GRM7: variants seen among roughly 807,000 people sequenced by gnomAD.
GRM7 encodes the protein glutamate metabotropic receptor 7, also known as metabotropic glutamate receptor 7.
Under a neutral mutation model 84.5 loss-of-function variants are expected in GRM7, and 35 were observed. The ratio of observed to expected loss-of-function variants is 0.41; its 90% CI spans 0.32 to 0.55. The LOEUF (loss-of-function observed/expected upper bound fraction) is 0.55. Ranked by LOEUF, GRM7 falls within the 20% of genes least tolerant of loss-of-function variation. GRM7 has a pLI of 0.19. For missense variants in GRM7, 1,003 were observed against 1,194.6 expected, an observed-to-expected ratio of 0.84 and a Z score of 2.36; for synonymous variants, 487 against 455.1, an observed-to-expected ratio of 1.07 and a Z score of -0.89.
chr3:7,070,200 T>G (rs1352313023), intron 1 of GRM7, among the ~76,000 whole-genome samples: 3 of 152,074 alleles, frequency 2.0e-5, no homozygotes, highest in Non-Finnish European at 2.9e-5. Context: ...TAATGAAATG[T>G]ATAATTATCA....
intron 7 of GRM7, among the ~76,000 whole-genome samples, chr3:7,551,835 C>G (rs2125026546): frequency 6.6e-6 from 1 of 152,224 alleles, no homozygotes; most frequent in African/African-American, 2.4e-5. Context: ...AAAGAACTCC[C>G]TGAGACTGGG....
intron 1 of GRM7, among the ~76,000 whole-genome samples, chr3:6,970,730 A>G (rs1241046849): frequency 6.6e-6 from 1 of 152,222 alleles, no homozygotes; most frequent in African/African-American, 2.4e-5. Flanking sequence ...CTGTAATCCC[A>G]GCACTTTGGG....
chr3:7,453,706 C>T (rs181301150), intron 6 of GRM7, among the ~76,000 whole-genome samples: 104 of 152,060 alleles, frequency 6.8e-4, no homozygotes, highest in Non-Finnish European at 1.2e-3. Flanking sequence ...TGAACCTTGT[C>T]CTCTTGGGCC....
intron 6 of GRM7, among the ~76,000 whole-genome samples, chr3:7,456,850 C>T (rs1559336058): frequency 6.6e-6 from 1 of 151,998 alleles, no homozygotes; most frequent in African/African-American, 2.4e-5. Flanking sequence ...TTTTGTAAAG[C>T]AAAGAAGCTG....
intron 4 of GRM7, among the ~76,000 whole-genome samples, chr3:7,393,883 G>A (rs552980552): frequency 1.3e-5 from 2 of 152,276 alleles, no homozygotes; most frequent in South Asian, 2.1e-4. Flanking sequence ...CGTGGTCCAT[G>A]TAGAGACTTC....
chr3:7,219,467 G>A (rs1266931673), intron 2 of GRM7, among the ~76,000 whole-genome samples: 3 of 152,184 alleles, frequency 2.0e-5, no homozygotes, highest in Non-Finnish European at 4.4e-5. Flanking sequence ...TCTGTGAAGT[G>A]AAAATGTTGA....
chr3:7,329,727 G>T (rs1362966172), intron 4 of GRM7, among the ~76,000 whole-genome samples: 1 of 152,152 alleles, frequency 6.6e-6, no homozygotes, highest in Non-Finnish European at 1.5e-5. Flanking sequence ...AGCATTGTGT[G>T]TGTATACGTG....
In GRM7 at chr3:7,452,658, A is replaced by G. The variant is rs1306836280; in HGVS notation, c.1226A>G (p.Gln409Arg). The G allele has an allele frequency of 1.2e-6, 2 of 1,613,452 alleles. No individual in the cohort carries two copies. The highest frequency in any genetic ancestry group is 2.7e-5 in the African/African-American group (2 of 74,892). The change falls in exon 6 of 10, where the codon CAG (glutamine) becomes CGG (arginine). Residue 409 changes from glutamine to arginine, a missense_variant. Around this residue, in one of 2 missense-constraint regions of GRM7, gnomAD observed 910 missense variants for 1,126.0 expected, o/e 0.81. Transcript: ENST00000357716. ...AACTATGAGCAGGAGGGTAAAGTCC[A>G]GTTCGTGATTGACGCAGTCTATGCT... ...DSNYEQEGKV[Q>R]FVIDAVYAMA...
intron 9 of GRM7, among the ~76,000 whole-genome samples, chr3:7,713,114 A>ATTTTG: frequency 7.7e-6 from 1 of 129,854 alleles, no homozygotes; most frequent in South Asian, 2.4e-4. Context: ...GAGGATTCGA[A>ATTTTG]TTTTGTTTTG....
chr3:7,097,219 T>C (rs1222826281), intron 1 of GRM7, among the ~76,000 whole-genome samples: 1 of 152,088 alleles, frequency 6.6e-6, no homozygotes, highest in African/African-American at 2.4e-5. Context: ...CTGTCACTAC[T>C]TAAATTGATA....
At chr3:7,725,332 C>T (rs534033443) in intron 9 of GRM7, among the ~76,000 whole-genome samples, 2 of 152,256 alleles carry the variant, frequency 1.3e-5, no homozygotes, top group Admixed American at 1.3e-4. Flanking sequence ...GGTATCACTG[C>T]CTCCACAGCC....
At chr3:7,284,951 T>G (rs1326411703) in intron 2 of GRM7, among the ~76,000 whole-genome samples, 1 of 152,200 alleles carries the variant, frequency 6.6e-6, no homozygotes, top group African/African-American at 2.4e-5. Flanking sequence ...TATGCATATA[T>G]TACTAAAACT....
chr3:7,326,052 C>A (rs1034309043), intron 4 of GRM7, among the ~76,000 whole-genome samples: 1 of 126,356 alleles, frequency 7.9e-6, no homozygotes, highest in African/African-American at 3.0e-5. Flanking sequence ...CCTCCCCGCC[C>A]CCGGCCCCAA....
chr3:7,531,750 C>G (rs1190618982), intron 7 of GRM7, among the ~76,000 whole-genome samples: 2 of 152,104 alleles, frequency 1.3e-5, no homozygotes, highest in Non-Finnish European at 2.9e-5. Flanking sequence ...AATCTGCAAA[C>G]AGAGACAATT....
At chr3:7,138,346 T>A (rs1693836897) in intron 1 of GRM7, among the ~76,000 whole-genome samples, 1 of 151,994 alleles carries the variant, frequency 6.6e-6, no homozygotes, top group African/African-American at 2.4e-5. Flanking sequence ...AAGCTATAGA[T>A]GTGGTAGATC....
chr3:7,637,044 T>A (rs1284476940), intron 8 of GRM7, among the ~76,000 whole-genome samples: 1 of 152,196 alleles, frequency 6.6e-6, no homozygotes, highest in Non-Finnish European at 1.5e-5. Flanking sequence ...GCATTCTAAA[T>A]TTTTGCCCCA....
At chr3:7,488,831 T>G (rs1699416217) in intron 7 of GRM7, among the ~76,000 whole-genome samples, 1 of 151,474 alleles carries the variant, frequency 6.6e-6, no homozygotes, top group South Asian at 2.1e-4. Flanking sequence ...TTGTTCCACA[T>G]TCTGGAAACC....
intron 4 of GRM7, among the ~76,000 whole-genome samples, chr3:7,403,781 A>G (rs1695559416): frequency 6.6e-6 from 1 of 151,168 alleles, no homozygotes; most frequent in Non-Finnish European, 1.5e-5. Flanking sequence ...ATACATGTGT[A>G]TATATGTGAA....
chr3:6,890,652 G>T (rs1009613438), intron 1 of GRM7, among the ~76,000 whole-genome samples: 1 of 152,034 alleles, frequency 6.6e-6, no homozygotes, highest in African/African-American at 2.4e-5. Context: ...TTACTTCCAA[G>T]TATGTGGTCA....
Sources: gnomAD v4.1 joint callset for allele counts (sites outside exome capture counted in the v4.1 genomes callset) on GRCh38, gnomAD v4.1.1 for gene constraint, gnomAD v4.1.1 regional missense constraint, MANE v1.5 for transcripts, NCBI Gene and HGNC (gene_info 2026-07-23, HGNC 2026-07-21) for gene names.